BMPR1A: variants seen among roughly 807,000 people sequenced by gnomAD.
BMPR1A encodes the protein bone morphogenetic protein receptor type-1A.
BMPR1A carries 7 observed loss-of-function variants against 66.0 expected under a neutral mutation model. That is an observed-to-expected ratio of 0.11 (90% CI 0.06 to 0.20). The LOEUF (loss-of-function observed/expected upper bound fraction) is 0.20. BMPR1A is among the 10% of genes least tolerant of loss of function. The pLI is 1.00. For synonymous variants in BMPR1A, 200 were observed against 229.7 expected (o/e 0.87, Z 1.17); for missense variants, 408 against 669.1 (o/e 0.61, Z 4.31).
intron 1 of BMPR1A, among the ~76,000 whole-genome samples, chr10:86,783,881 A>G (rs903331884): frequency 1.3e-5 from 2 of 152,234 alleles, no homozygotes; most frequent in African/African-American, 4.8e-5. Context: ...TGATGTTATT[A>G]TAAATGGAGT....
intron 1 of BMPR1A, among the ~76,000 whole-genome samples, chr10:86,814,935 G>A (rs1404644255): frequency 1.3e-5 from 2 of 151,970 alleles, no homozygotes; most frequent in Admixed American, 6.6e-5. Flanking sequence ...ATAGGTGCGC[G>A]CCACCATGCT....
intron 7 of BMPR1A, among the ~76,000 whole-genome samples, chr10:86,908,029 C>T (rs1843421345): frequency 1.3e-5 from 2 of 152,024 alleles, no homozygotes; most frequent in Admixed American, 1.3e-4. Flanking sequence ...ATGGTGAAAC[C>T]ACATCTCTAC....
chr10:86,903,602 T>A (rs1036143795), intron 7 of BMPR1A, among the ~76,000 whole-genome samples: 3 of 139,024 alleles, frequency 2.2e-5, no homozygotes, highest in African/African-American at 3.4e-5. Context: ...TATTATTATT[T>A]TTATTTATTT....
chr10:86,813,761 G>A (rs911789528), intron 1 of BMPR1A, among the ~76,000 whole-genome samples: 3 of 151,938 alleles, frequency 2.0e-5, no homozygotes, highest in Non-Finnish European at 4.4e-5. Context: ...CTGTGTAGTC[G>A]ACAGGTAACT....
Position 86,824,081 on chromosome 10 carries a change from T to TTGTG in BMPR1A, c.-267-14756_-267-14753dup, listed in dbSNP as rs71477609. ...TGGCCCCTGGAAATATTACCAAGGG[T>TTGTG]TGTGTGTGTGTGTGTGTGTGTGTGT... On this transcript the variant is annotated intron_variant, in intron 1 of 12. Transcript: ENST00000372037. 5.3e-3 allele frequency among the ~76,000 whole-genome samples: 496 copies of TTGTG among 94,126 alleles called. 8 individuals carry two copies. The East Asian group carries it at 0.077, about 15-fold the overall frequency. 61.8% of individuals were successfully genotyped at this position (94,126 alleles called of 152,430 possible). A position where few individuals can be genotyped will look rare whatever the true frequency, so the allele number is the denominator to read the frequency against.
intron 3 of BMPR1A, among the ~76,000 whole-genome samples, chr10:86,885,623 C>T (rs1454882880): frequency 1.3e-5 from 2 of 152,202 alleles, no homozygotes; most frequent in Non-Finnish European, 2.9e-5. Context: ...GTTCTTGCTT[C>T]CTTGTACTTG....
chr10:86,846,593 C>T (rs1053089515), intron 2 of BMPR1A, among the ~76,000 whole-genome samples: 3 of 151,972 alleles, frequency 2.0e-5, no homozygotes, highest in African/African-American at 4.8e-5. Flanking sequence ...CCTAGCTACT[C>T]GGGAGGCTGA....
intron 2 of BMPR1A, among the ~76,000 whole-genome samples, chr10:86,866,261 A>G (rs1466737018): frequency 6.6e-6 from 1 of 151,172 alleles, no homozygotes; most frequent in Non-Finnish European, 1.5e-5. Context: ...ATAGTGTAAA[A>G]AGGGACACAG....
At chr10:86,816,705 G>C (rs1033481231) in intron 1 of BMPR1A, among the ~76,000 whole-genome samples, 3 of 152,160 alleles carry the variant, frequency 2.0e-5, no homozygotes, top group African/African-American at 7.2e-5. Context: ...ATGGCTTCAG[G>C]AAAGAGATCA....
chr10:86,806,978 C>T (rs1040463457), intron 1 of BMPR1A, among the ~76,000 whole-genome samples: 3 of 151,956 alleles, frequency 2.0e-5, no homozygotes, highest in African/African-American at 7.3e-5. Flanking sequence ...ATAAAGAGCA[C>T]TTCTTTATGC....
At chr10:86,837,531 C>T (rs1842370535) in intron 1 of BMPR1A, among the ~76,000 whole-genome samples, 1 of 152,128 alleles carries the variant, frequency 6.6e-6, no homozygotes, top group Non-Finnish European at 1.5e-5. Context: ...AGGAAAATCT[C>T]TTTATGCCAT....
At chr10:86,797,033 A>T (rs1175779207) in intron 1 of BMPR1A, among the ~76,000 whole-genome samples, 2 of 142,202 alleles carry the variant, frequency 1.4e-5, no homozygotes, top group Non-Finnish European at 3.1e-5. Flanking sequence ...TTCCCAGTTT[A>T]TACTCTTATT....
chr10:86,758,326 C>T (rs1048015311), intron 1 of BMPR1A, among the ~76,000 whole-genome samples: 1 of 151,690 alleles, frequency 6.6e-6, no homozygotes, highest in Non-Finnish European at 1.5e-5. Context: ...CATTAAATTC[C>T]TTCTGTTACT....
At position 86,790,179 on chromosome 10, in the gene BMPR1A, AAAAAAAAAAATATATATATATAT is replaced by A. The variant is rs1281028052; in HGVS notation, c.-268+33262_-268+33284del. ...TCTGTCTCCAAAAAAAAAAAAAAAAAAAAAAAAAAATATATATATATATATATATATATATATATATATATATA... is the reference window on the plus strand; with the variant it reads ...TCTGTCTCCAAAAAAAAAAAAAAAAAATATATATATATATATATATATATA... On this transcript the variant is annotated intron_variant, in intron 1 of 12. Coordinates refer to ENST00000372037, the MANE Select transcript of BMPR1A (RefSeq NM_004329.3). Among the ~76,000 whole-genome samples the A allele has an allele frequency of 7.7e-4, 33 of 42,978 alleles. 3 individuals carry two copies. Among genetic ancestry groups the A allele is most frequent in the African/African-American group, 3.7e-3 (28 of 7,646 alleles). The allele number at this position is 42,978 out of a possible 152,430, so 28.2% of individuals were successfully genotyped here. A position where few individuals can be genotyped will look rare whatever the true frequency, so the allele number is the denominator to read the frequency against.
At chr10:86,930,405 G>A (rs368262573), downstream of BMPR1A, 189 of 152,182 alleles carry the variant, frequency 1.2e-3, 2 homozygotes, top group Admixed American at 2.8e-3. Context: ...TCAGCCACCT[G>A]AGAAGTTGGG....
chr10:86,809,177 C>A (rs553330318), intron 1 of BMPR1A, among the ~76,000 whole-genome samples: 1 of 152,194 alleles, frequency 6.6e-6, no homozygotes, highest in East Asian at 1.9e-4. Flanking sequence ...ATAAAATTTA[C>A]CATCTTAACC....
intron 1 of BMPR1A, among the ~76,000 whole-genome samples, chr10:86,776,438 A>G (rs1841349547): frequency 1.3e-5 from 2 of 152,346 alleles, no homozygotes; most frequent in East Asian, 3.9e-4. Flanking sequence ...TCTTTTTCAC[A>G]TCTAAGGTTA....
Position 86,890,046 on chromosome 10 carries a change from C to T in BMPR1A, c.68-16C>T, listed in dbSNP as rs1843124539. 6.2e-7 allele frequency: 1 copy of T among 1,611,834 alleles called. No homozygotes were observed. Among genetic ancestry groups the T allele is most frequent in the East Asian group, 2.2e-5 (1 of 44,858 alleles). ...TTCAGAAATGATTTACTTACAAATTCCATATTTGAATGCAGGACAGAATCT... is the reference window on the plus strand; with the variant it reads ...TTCAGAAATGATTTACTTACAAATTTCATATTTGAATGCAGGACAGAATCT... On this transcript the variant is annotated splice_polypyrimidine_tract_variant and intron_variant, in intron 3 of 12. Coordinates refer to ENST00000372037, the MANE Select transcript of BMPR1A (RefSeq NM_004329.3).
chr10:86,779,963 T>C (rs1841410535), intron 1 of BMPR1A, among the ~76,000 whole-genome samples: 1 of 152,166 alleles, frequency 6.6e-6, no homozygotes, highest in African/African-American at 2.4e-5. Flanking sequence ...CAGAATGCAG[T>C]AGTGCGATCC....
Sources: allele counts gnomAD v4.1 joint callset (sites outside exome capture counted in the v4.1 genomes callset), GRCh38; gene constraint gnomAD v4.1.1; transcripts MANE v1.5; gene names NCBI Gene and HGNC (gene_info 2026-07-23, HGNC 2026-07-21).